Variants in PDZRN4 observed in about 807,000 individuals in gnomAD.
PDZRN4 encodes the protein PDZ domain containing ring finger 4.
A neutral mutation model predicts 99.0 loss-of-function variants in PDZRN4; 70 were observed. The ratio of observed to expected loss-of-function variants is 0.71; its 90% CI spans 0.58 to 0.86. PDZRN4 has a LOEUF of 0.86. Among genes scored for constraint, PDZRN4 ranks in the 40% least tolerant of loss-of-function variants. The probability of loss-of-function intolerance (pLI) is 0.00; values close to 1 mark genes in which losing one functional copy is unlikely to be tolerated. For missense variants in PDZRN4, 1,474 were observed against 1,331.2 expected (o/e 1.11, Z -1.67); for synonymous variants, 551 against 501.6 (o/e 1.10, Z -1.32).
intron 5 of PDZRN4, among the ~76,000 whole-genome samples, chr12:41,544,481 AC>A (rs1190273377): frequency 2.6e-5 from 4 of 152,210 alleles, no homozygotes; most frequent in Non-Finnish European, 4.4e-5. Flanking sequence ...CTCTGCTGGT[AC>A]TATAAATGCA....
intron 4 of PDZRN4, among the ~76,000 whole-genome samples, chr12:41,508,725 G>A (rs1938251879): frequency 6.6e-6 from 1 of 152,118 alleles, no homozygotes; most frequent in South Asian, 2.1e-4. Context: ...ACACTAGTTA[G>A]ACCTGTGTGG....
intron 7 of PDZRN4, among the ~76,000 whole-genome samples, chr12:41,562,450 T>A (rs1322663690): frequency 6.6e-6 from 1 of 152,116 alleles, no homozygotes; most frequent in African/African-American, 2.4e-5. Flanking sequence ...AAAAGAATGG[T>A]CAGTGCTGCT....
At chr12:41,451,900 A>C (rs2446143) in intron 3 of PDZRN4, among the ~76,000 whole-genome samples, 77,422 of 151,964 alleles carry the variant, frequency 0.51, 20,207 homozygotes, top group African/African-American at 0.64. Flanking sequence ...TTAAACCTGG[A>C]TTCTCACTTT....
At chr12:41,421,702 C>T (rs1484097470) in intron 3 of PDZRN4, among the ~76,000 whole-genome samples, 1 of 152,066 alleles carries the variant, frequency 6.6e-6, no homozygotes, top group African/African-American at 2.4e-5. Context: ...TTTAATGTTC[C>T]CATTATTTCT....
At chr12:41,531,986 C>G (rs1350912532) in intron 5 of PDZRN4, among the ~76,000 whole-genome samples, 2 of 152,018 alleles carry the variant, frequency 1.3e-5, no homozygotes, top group African/African-American at 4.8e-5. Context: ...ATTCTTCTAT[C>G]TAGTCTAAAA....
At chr12:41,217,301 G>A (rs1950927689) in intron 3 of PDZRN4, among the ~76,000 whole-genome samples, 1 of 152,026 alleles carries the variant, frequency 6.6e-6, no homozygotes, top group Admixed American at 6.6e-5. Flanking sequence ...AAGCTACACA[G>A]GGCTCAGGTT....
intron 5 of PDZRN4, among the ~76,000 whole-genome samples, chr12:41,546,207 G>A (rs1278287452): frequency 1.3e-5 from 2 of 152,294 alleles, no homozygotes; most frequent in South Asian, 2.1e-4. Context: ...GGGGAAGCAG[G>A]GAGGTGAATA....
intron 3 of PDZRN4, among the ~76,000 whole-genome samples, chr12:41,447,066 G>C (rs547709082): frequency 6.6e-6 from 1 of 152,148 alleles, no homozygotes; most frequent in African/African-American, 2.4e-5. Context: ...AAGGGGCTTA[G>C]TGCCGTCATC....
At chr12:41,357,216 C>T (rs890407328) in intron 3 of PDZRN4, among the ~76,000 whole-genome samples, 1 of 151,880 alleles carries the variant, frequency 6.6e-6, no homozygotes, top group South Asian at 2.1e-4. Flanking sequence ...CACGAACACA[C>T]ACACATGCCT....
intron 3 of PDZRN4, among the ~76,000 whole-genome samples, chr12:41,241,124 G>C (rs1951099154): frequency 6.6e-6 from 1 of 151,540 alleles, no homozygotes; most frequent in Non-Finnish European, 1.5e-5. Flanking sequence ...TTCAGATTTT[G>C]GATTTTTTTA....
intron 3 of PDZRN4, among the ~76,000 whole-genome samples, chr12:41,224,168 A>G (rs894804269): frequency 2.0e-4 from 30 of 152,226 alleles, no homozygotes; most frequent in Admixed American, 2.6e-4. Flanking sequence ...TCCAGAAACT[A>G]TCATTTAATG....
chr12:41,255,396 C>A (rs925324976), intron 3 of PDZRN4, among the ~76,000 whole-genome samples: 6 of 152,022 alleles, frequency 3.9e-5, no homozygotes, highest in African/African-American at 1.2e-4. Context: ...AATCCATAAA[C>A]CTTAACAGAA....
rs150868999 is a variant in PDZRN4, at chr12:41,556,401, C to T, written c.1365+641C>T. 1.7e-3 allele frequency among the ~76,000 whole-genome samples: 254 copies of T among 152,354 alleles called. 2 individuals carry two copies. Among genetic ancestry groups the T allele is most frequent in the African/African-American group, 5.8e-3 (241 of 41,596 alleles). ...GATGGTACAGCCTACTACACACACA[C>T]TTAGGCTAGCTGGCGTAGCCTACTC... On this transcript the variant is annotated intron_variant, in intron 7 of 9. Coordinates refer to ENST00000402685, the MANE Select transcript of PDZRN4 (RefSeq NM_001164595.2).
intron 3 of PDZRN4, among the ~76,000 whole-genome samples, chr12:41,422,647 C>G (rs188032306): frequency 6.6e-6 from 1 of 152,068 alleles, no homozygotes; most frequent in African/African-American, 2.4e-5. Flanking sequence ...TTCAGCTCTC[C>G]GAAGAACTCA....
chr12:41,329,745 T>C (rs1951731297), intron 3 of PDZRN4, among the ~76,000 whole-genome samples: 1 of 152,134 alleles, frequency 6.6e-6, no homozygotes, highest in Non-Finnish European at 1.5e-5. Flanking sequence ...TGAGTGTTGT[T>C]TCATCTGACA....
rs764688401 is a variant in PDZRN4, at chr12:41,573,386, G to C, written c.2607G>C (p.Gln869His). ...CTGCAGTCGAGTATGCTCAGAGTCA[G>C]CTCAGCTTGGTGAGCATGTGCAAGG... is the stretch of plus-strand genomic sequence containing the variant. ...QKSAVEYAQS[Q>H]LSLVSMCKES... The change falls in exon 10 of 10, where the codon CAG (glutamine) becomes CAC (histidine). Residue 869 changes from glutamine to histidine, a missense_variant. Transcript: ENST00000402685. The C allele has an allele frequency of 1.2e-6, 2 of 1,613,450 alleles. No individual in the cohort carries two copies. The highest frequency in any genetic ancestry group is 1.1e-5 in the South Asian group (1 of 91,084).
rs866040541 is a variant in PDZRN4 at position 41,188,774 on chromosome 12, G to T, written c.319G>T (p.Gly107Cys). 1.4e-6 allele frequency: 2 copies of T among 1,398,716 alleles called. No individual in the cohort carries two copies. Among genetic ancestry groups the T allele is most frequent in the South Asian group, 3.2e-5 (2 of 62,050 alleles). 86.6% of individuals were successfully genotyped at this position (1,398,716 alleles called of 1,614,324 possible). A position where few individuals can be genotyped will look rare whatever the true frequency, so the allele number is the denominator to read the frequency against. Residue 107 changes from glycine (G) to cysteine (C), a missense_variant, in exon 1 of 10, where the codon GGC (glycine) becomes TGC (cysteine). Transcript: ENST00000402685. ...LEAHVEHCDF[G>C]PARRLRSRGG... ...GGCGCACGTCGAGCACTGCGACTTCGGCCCTGCCCGCCGGCTCCGCAGCCG... is the reference window on the plus strand; with the variant it reads ...GGCGCACGTCGAGCACTGCGACTTCTGCCCTGCCCGCCGGCTCCGCAGCCG...
chr12:41,420,302 A>G (rs969287920), intron 3 of PDZRN4, among the ~76,000 whole-genome samples: 1 of 152,130 alleles, frequency 6.6e-6, no homozygotes, highest in African/African-American at 2.4e-5. Flanking sequence ...TCCCTTCAGC[A>G]TCTTCAGCCT....
At chr12:41,242,628 GACACAC>G (rs112751345) in intron 3 of PDZRN4, among the ~76,000 whole-genome samples, 1 of 148,564 alleles carries the variant, frequency 6.7e-6, no homozygotes. Context: ...TGTTCTTGTG[GACACAC>G]ACACACACAC....
Sources: allele counts gnomAD v4.1 joint callset (sites outside exome capture counted in the v4.1 genomes callset), GRCh38; gene constraint gnomAD v4.1.1; transcripts MANE v1.5; gene names NCBI Gene and HGNC (gene_info 2026-07-23, HGNC 2026-07-21).